The following SUMO2 variants were observed in gnomAD, a reference collection of about 807,000 sequenced individuals.
SUMO2 encodes small ubiquitin-related modifier 2.
Under a neutral mutation model 16.0 loss-of-function variants are expected in SUMO2, and 1 was observed. The observed-to-expected ratio is 0.06, with a 90% CI of 0.02 to 0.30. The LOEUF (loss-of-function observed/expected upper bound fraction) is 0.30, where lower values mean the gene tolerates loss of function less well. Ranked by LOEUF, SUMO2 falls within the 10% of genes least tolerant of loss-of-function variation. SUMO2 has a pLI of 1.00. For synonymous variants in SUMO2, 36 were observed against 40.6 expected (o/e 0.89, Z 0.43); for missense variants, 16 against 117.5 (o/e 0.14, Z 3.99).
intron 3 of SUMO2, among the ~76,000 whole-genome samples, chr17:75,173,835 T>C (rs2074761051): frequency 6.6e-6 from 1 of 151,946 alleles, no homozygotes; most frequent in Non-Finnish European, 1.5e-5. Flanking sequence ...TTTGAAAGGG[T>C]AAAAAGAAAC....
chr17:75,180,955 T>C, intron 2 of SUMO2, 102 bp downstream of exon 2: 30 of 1,400,730 alleles, frequency 2.1e-5, no homozygotes, highest in Non-Finnish European at 2.9e-5. Context: ...ATTCATCCCA[T>C]CAAAAAGTCA....
At chr17:75,178,174 A>AG (rs777861977) in intron 2 of SUMO2, among the ~76,000 whole-genome samples, 3 of 151,340 alleles carry the variant, frequency 2.0e-5, no homozygotes, top group Non-Finnish European at 4.4e-5. Flanking sequence ...AAAAAAAAAA[A>AG]GGCAAAATTT....
intron 3 of SUMO2, 47 bp downstream of exon 3, chr17:75,174,705 A>T: frequency 6.4e-7 from 1 of 1,553,370 alleles, no homozygotes; most frequent in Non-Finnish European, 8.8e-7. Flanking sequence ...ACAGCTGTTC[A>T]AAGAATTACA....
chr17:75,182,228 A>G (rs2145228564), intron 1 of SUMO2, among the ~76,000 whole-genome samples: 1 of 152,224 alleles, frequency 6.6e-6, no homozygotes, highest in South Asian at 2.1e-4. Flanking sequence ...TTAAAGTGGG[A>G]AATACTCCAC....
intron 2 of SUMO2, among the ~76,000 whole-genome samples, 168 bp downstream of exon 2, chr17:75,180,889 T>C (rs1210831345): frequency 6.6e-6 from 1 of 151,700 alleles, no homozygotes; most frequent in Non-Finnish European, 1.5e-5. Flanking sequence ...ATCCTAAGGG[T>C]TTTCACGAGC....
chr17:75,179,235 T>C (rs2074807707), intron 2 of SUMO2, among the ~76,000 whole-genome samples: 1 of 151,328 alleles, frequency 6.6e-6, no homozygotes, highest in Non-Finnish European at 1.5e-5. Flanking sequence ...CAAATAAGAG[T>C]ATATGGTATC....
intron 3 of SUMO2, among the ~76,000 whole-genome samples, chr17:75,169,385 A>ATT (rs746519441): frequency 3.2e-4 from 46 of 141,904 alleles, no homozygotes; most frequent in Middle Eastern, 3.5e-3. Flanking sequence ...TTAAAAAAAA[A>ATT]TTTTTTTTTT....
intron 3 of SUMO2, among the ~76,000 whole-genome samples, chr17:75,173,808 G>A (rs1434378270): frequency 6.6e-6 from 1 of 152,104 alleles, no homozygotes; most frequent in East Asian, 1.9e-4. Context: ...GACAAAACTG[G>A]AAGTATTTAA....
chr17:75,168,541 T>C, intron 3 of SUMO2, 140 bp from the exon 4 acceptor site: 2 of 677,434 alleles, frequency 3.0e-6, no homozygotes, highest in Non-Finnish European at 4.9e-6. Flanking sequence ...CATAGCTTAA[T>C]GTATCAACAC....
At position 75,181,538 on chromosome 17, in the gene SUMO2, AAT is replaced by A. The variant is rs1386645967; in HGVS notation, c.22-352_22-351del. 2.6e-5 allele frequency among the ~76,000 whole-genome samples: 4 copies of A among 152,282 alleles called. No homozygotes were observed. In the East Asian group the frequency reaches 5.8e-4, roughly 22 times the overall value. On this transcript the variant is annotated intron_variant, in intron 1 of 3. Coordinates refer to ENST00000420826, the MANE Select transcript of SUMO2 (RefSeq NM_006937.4). ...TACTTTACCCCCCAAAAAAGTTAAA[AAT>A]AGAGTCCCTTCTCTTTTCTAAGCAC...
In SUMO2 at chr17:75,182,871, A is replaced by G. The variant is rs956567816; in HGVS notation, c.-37T>C. ...GAGTCTCCTCAGCTGCCGCTTCACA[A>G]AAGAGGTACCAGGTCCGCACCAAAC... is the stretch of plus-strand genomic sequence containing the variant. On this transcript the variant is annotated 5_prime_UTR_variant, in exon 1 of 4. Transcript: ENST00000420826. 9 of 1,379,132 alleles carry G rather than the reference A, an allele frequency of 6.5e-6. No individual in the cohort carries two copies. Among genetic ancestry groups the G allele is most frequent in the Non-Finnish European group, 8.5e-6 (9 of 1,057,924 alleles). 85.4% of individuals were successfully genotyped at this position (1,379,132 alleles called of 1,614,324 possible).
At chr17:75,168,458 A>G in intron 3 of SUMO2, 57 bp from the exon 4 acceptor site, 1 of 1,503,040 alleles carries the variant, frequency 6.7e-7, no homozygotes, top group Non-Finnish European at 9.0e-7. Flanking sequence ...AAAATTAATG[A>G]TTTTTGGGTT....
At position 75,168,267 on chromosome 17, in the gene SUMO2, A is replaced by G. The variant is rs2074708789; in HGVS notation, c.*72T>C. The stretch of plus-strand genomic sequence containing the variant: ...TCAGGATGTGGTGGAACCAAATTGC[A>G]GTTTTCTAATTGAGAATGTAATCTT... On this transcript the variant is annotated 3_prime_UTR_variant, in exon 4 of 4. Coordinates refer to ENST00000420826, the MANE Select transcript of SUMO2 (RefSeq NM_006937.4). 1.7e-6 allele frequency: 2 copies of G among 1,165,758 alleles called. No individual in the cohort carries two copies. The highest frequency in any genetic ancestry group is 3.0e-5 in the South Asian group (2 of 67,066). 72.2% of individuals were successfully genotyped at this position (1,165,758 alleles called of 1,614,324 possible).
chr17:75,180,817 G>A (rs2074823387), intron 2 of SUMO2, among the ~76,000 whole-genome samples: 1 of 151,932 alleles, frequency 6.6e-6, no homozygotes, highest in Non-Finnish European at 1.5e-5. Flanking sequence ...AAAAATTATT[G>A]TAAATATAAT....
chr17:75,179,659 GT>G (rs560336347), intron 2 of SUMO2, among the ~76,000 whole-genome samples: 1,517 of 141,558 alleles, frequency 0.011, 8 homozygotes, highest in Middle Eastern at 0.019. Context: ...ACATTCTAAA[GT>G]TTTTTTTTTT....
At chr17:75,177,172 A>C (rs1465996096) in intron 2 of SUMO2, among the ~76,000 whole-genome samples, 2 of 121,760 alleles carry the variant, frequency 1.6e-5, no homozygotes, top group African/African-American at 4.4e-5. Flanking sequence ...CTCTTGTCTC[A>C]AAAAAAAAAA....
chr17:75,174,048 A>G (rs558331987), intron 3 of SUMO2, among the ~76,000 whole-genome samples: 3 of 152,318 alleles, frequency 2.0e-5, no homozygotes, highest in African/African-American at 4.8e-5. Context: ...CTTTTTGTTC[A>G]TGAAGACACG....
At chr17:75,182,224 T>C (rs1450031877) in intron 1 of SUMO2, among the ~76,000 whole-genome samples, 10 of 152,086 alleles carry the variant, frequency 6.6e-5, no homozygotes, top group Non-Finnish European at 4.4e-5. Context: ...GCTATTAAAG[T>C]GGGAAATACT....
chr17:75,169,699 A>T (rs2074720768), intron 3 of SUMO2, among the ~76,000 whole-genome samples: 1 of 151,912 alleles, frequency 6.6e-6, no homozygotes, highest in Non-Finnish European at 1.5e-5. Context: ...TATTTTTTAA[A>T]TTAGCCGGGC....
Sources: gnomAD v4.1 joint callset for allele counts (sites outside exome capture counted in the v4.1 genomes callset) on GRCh38, gnomAD v4.1.1 for gene constraint, MANE v1.5 for transcripts, NCBI Gene and HGNC (gene_info 2026-07-23, HGNC 2026-07-21) for gene names.